The following TMEM30A variants were observed in gnomAD, a reference collection of about 807,000 sequenced individuals.
TMEM30A encodes the protein cell cycle control protein 50A.
Under a neutral mutation model 38.2 loss-of-function variants are expected in TMEM30A, and 24 were observed. That is an observed-to-expected ratio of 0.63 (90% CI 0.46 to 0.88). The LOEUF (loss-of-function observed/expected upper bound fraction) is 0.88. Ranked by LOEUF, TMEM30A falls within the 40% of genes least tolerant of loss-of-function variation. The pLI is 0.00. For missense variants in TMEM30A, 370 were observed against 458.6 expected, an observed-to-expected ratio of 0.81 and a Z score of 1.77; for synonymous variants, 145 against 161.6, an observed-to-expected ratio of 0.90 and a Z score of 0.78.
intron 2 of TMEM30A, 93 bp from the exon 3 acceptor site, chr6:75,265,431 T>C (rs527238222): frequency 4.8e-5 from 31 of 640,478 alleles, no homozygotes; most frequent in Non-Finnish European, 2.4e-5. Context: ...ATTTGGACTT[T>C]TATTAGTTTA....
chr6:75,267,680 G>C lies in TMEM30A; in HGVS notation c.306C>G (p.Cys102Trp), dbSNP rs1386834284. The stretch of plus-strand genomic sequence containing the variant: ...CCAGTGTGAAGTTAATGGTACAAAA[G>C]CAAGGTGTCACATCCGGAGATAAAC... ...NKCLSPDVTP[C>W]FCTINFTLEK... Residue 102 changes from cysteine to tryptophan, a missense_variant, in exon 2 of 7, where the codon TGC (cysteine) becomes TGG (tryptophan). Cys to Trp is a radical substitution (Grantham distance 215). Transcript: ENST00000230461. The C allele has an allele frequency of 1.2e-6, 2 of 1,611,658 alleles. No individual in the cohort carries two copies. Among genetic ancestry groups the C allele is most frequent in the Non-Finnish European group, 1.7e-6 (2 of 1,178,968 alleles).
rs547914957 is a variant in TMEM30A, at chr6:75,253,825, C to G, written c.*2277G>C. 2 of 152,502 alleles carry G rather than the reference C, an allele frequency of 1.3e-5. No homozygotes were observed. Among genetic ancestry groups the G allele is most frequent in the African/African-American group, 4.8e-5 (2 of 41,530 alleles). 9.4% of individuals were successfully genotyped at this position (152,502 alleles called of 1,614,324 possible). A position where few individuals can be genotyped will look rare whatever the true frequency, so the allele number is the denominator to read the frequency against. ...TTATGATTTCAATGAAATTTCTTAG[C>G]TTTTACTTGTTGAATAATTTTTTCA... On this transcript the variant is annotated 3_prime_UTR_variant, in exon 7 of 7. Transcript: ENST00000230461.
rs1189156050 is a variant in TMEM30A at position 75,259,515 on chromosome 6, T to C, written c.542-25A>G. 33 of 1,564,608 alleles carry C rather than the reference T, an allele frequency of 2.1e-5. No homozygotes were observed. The East Asian group carries it at 7.4e-4, about 35-fold the overall frequency. On this transcript the variant is annotated intron_variant, in intron 4 of 6. Coordinates refer to ENST00000230461, the MANE Select transcript of TMEM30A (RefSeq NM_018247.4). ...TCTAAACACAAGCAAAGAAAGACAT[T>C]ACTAACTATCTCTTGAAAACTCATA...
At chr6:75,256,581 G>A (rs1242552568) in intron 6 of TMEM30A, among the ~76,000 whole-genome samples, 1 of 151,842 alleles carries the variant, frequency 6.6e-6, no homozygotes, top group Non-Finnish European at 1.5e-5. Flanking sequence ...TACATGGAAG[G>A]GGCAAAAGGC....
chr6:75,263,280 T>C (rs892711539), intron 3 of TMEM30A, among the ~76,000 whole-genome samples: 4 of 152,156 alleles, frequency 2.6e-5, no homozygotes, highest in Non-Finnish European at 5.9e-5. Context: ...GAGGATGATA[T>C]GTGATGAGAT....
chr6:75,259,663 A>G (rs1408341874), intron 4 of TMEM30A, among the ~76,000 whole-genome samples, 173 bp from the exon 5 acceptor site: 4 of 152,254 alleles, frequency 2.6e-5, no homozygotes, highest in African/African-American at 9.6e-5. Context: ...TGGTAACTTT[A>G]TAATTCTAGA....
intron 2 of TMEM30A, among the ~76,000 whole-genome samples, chr6:75,265,854 G>A (rs1772060690): frequency 6.6e-6 from 1 of 151,948 alleles, no homozygotes; most frequent in Non-Finnish European, 1.5e-5. Context: ...GTAGCACCAC[G>A]TGCAGTTGAA....
At chr6:75,263,298 T>A (rs1772004724) in intron 3 of TMEM30A, among the ~76,000 whole-genome samples, 1 of 152,156 alleles carries the variant, frequency 6.6e-6, no homozygotes, top group Non-Finnish European at 1.5e-5. Flanking sequence ...GATAAGAGGA[T>A]TACGCATAGC....
chr6:75,258,838 C>T lies in TMEM30A; in HGVS notation c.834G>A (p.Arg278=). Residue 278 remains arginine, a synonymous_variant, in exon 6 of 7, where the codon AGG becomes AGA. Transcript: ENST00000230461. The part of the protein sequence containing the change: ...TFRKLYRLIE[R]KSDLHPTLPA... ...GTAATGTTGGATGTAAATCACTTTT[C>T]CTTTCTATAAGACGATACAACTTGC... is the stretch of plus-strand genomic sequence containing the variant. The T allele has an allele frequency of 6.2e-7, 1 of 1,613,956 alleles. No homozygotes were observed. Among genetic ancestry groups the T allele is most frequent in the Non-Finnish European group, 8.5e-7 (1 of 1,179,914 alleles).
Position 75,284,720 on chromosome 6 carries a change from GCGCCGCTGCCGCCGCCGC to G in TMEM30A, c.-100_-83del, listed in dbSNP as rs1772436977. 1.4e-6 allele frequency: 2 copies of G among 1,453,832 alleles called. No individual in the cohort carries two copies. Among genetic ancestry groups the G allele is most frequent in the Admixed American group, 3.4e-5 (2 of 58,696 alleles). The allele number at this position is 1,453,832 out of a possible 1,614,324, so 90.1% of individuals were successfully genotyped here. A position where few individuals can be genotyped will look rare whatever the true frequency, so the allele number is the denominator to read the frequency against. On this transcript the variant is annotated 5_prime_UTR_variant, in exon 1 of 7. Coordinates refer to ENST00000230461, the MANE Select transcript of TMEM30A (RefSeq NM_018247.4). ...GCTGACCCTGACAGGAACCGCTCGAGCGCCGCTGCCGCCGCCGCCGCCGCAGCCACCAGCGCCACCGCC... is the reference window on the plus strand; with the variant it reads ...GCTGACCCTGACAGGAACCGCTCGAGCGCCGCAGCCACCAGCGCCACCGCC...
At chr6:75,270,396 G>A (rs533743668) in intron 1 of TMEM30A, among the ~76,000 whole-genome samples, 1 of 152,288 alleles carries the variant, frequency 6.6e-6, no homozygotes, top group South Asian at 2.1e-4. Flanking sequence ...CTATCCCCCA[G>A]TATGATGGTA....
At chr6:75,267,789 G>C (rs1240087263) in intron 1 of TMEM30A, 41 bp from the exon 2 acceptor site, 3 of 1,400,352 alleles carry the variant, frequency 2.1e-6, no homozygotes, top group Non-Finnish European at 2.0e-6. Flanking sequence ...CTTAGAGAAA[G>C]TGGATACCTA....
At chr6:75,281,725 C>G (rs1221361827) in intron 1 of TMEM30A, among the ~76,000 whole-genome samples, 1 of 152,074 alleles carries the variant, frequency 6.6e-6, no homozygotes, top group Non-Finnish European at 1.5e-5. Context: ...TGACAAGCCT[C>G]CTTTGCCCTA....
At chr6:75,261,566 G>A (rs1215471840) in intron 3 of TMEM30A, among the ~76,000 whole-genome samples, 3 of 152,190 alleles carry the variant, frequency 2.0e-5, no homozygotes, top group African/African-American at 7.2e-5. Flanking sequence ...ATCTTAAAGA[G>A]GTGTGGCAGT....
In TMEM30A at chr6:75,259,494, A is replaced by T; in HGVS notation, c.542-4T>A. On this transcript the variant is annotated splice_polypyrimidine_tract_variant and splice_region_variant and intron_variant, in intron 4 of 6. Coordinates refer to ENST00000230461, the MANE Select transcript of TMEM30A (RefSeq NM_018247.4). ...ATGAGAAACAATTCTAATGTATCTA[A>T]ACACAAGCAAAGAAAGACATTACTA... 6.3e-7 allele frequency: 1 copy of T among 1,590,784 alleles called. No individual in the cohort carries two copies. The highest frequency in any genetic ancestry group is 8.5e-7 in the Non-Finnish European group (1 of 1,170,794).
In TMEM30A at chr6:75,258,775, G is replaced by A. The variant is rs1771912118; in HGVS notation, c.892+5C>T. The A allele has an allele frequency of 6.2e-7, 1 of 1,613,308 alleles. No individual in the cohort carries two copies. Among genetic ancestry groups the A allele is most frequent in the Non-Finnish European group, 8.5e-7 (1 of 1,179,488 alleles). ...GAATCTGTATACCCAGCCAAAAAAGGATACTGTATGTGACATTCAAAGAGT... is the reference window on the plus strand; with the variant it reads ...GAATCTGTATACCCAGCCAAAAAAGAATACTGTATGTGACATTCAAAGAGT... On this transcript the variant is annotated splice_donor_5th_base_variant and intron_variant, in intron 6 of 6. Coordinates refer to ENST00000230461, the MANE Select transcript of TMEM30A (RefSeq NM_018247.4).
At chr6:75,272,300 C>G (rs556191889) in intron 1 of TMEM30A, among the ~76,000 whole-genome samples, 1 of 152,246 alleles carries the variant, frequency 6.6e-6, no homozygotes, top group Non-Finnish European at 1.5e-5. Context: ...TTAGTTCTTA[C>G]ACTTTAGCCC....
chr6:75,266,394 A>C (rs181203392), intron 2 of TMEM30A, among the ~76,000 whole-genome samples: 1 of 152,342 alleles, frequency 6.6e-6, no homozygotes, highest in Admixed American at 6.5e-5. Context: ...ACAGAAATTG[A>C]GAAAATGAAT....
intron 1 of TMEM30A, among the ~76,000 whole-genome samples, chr6:75,283,858 T>C (rs890907373): frequency 6.6e-6 from 1 of 152,242 alleles, no homozygotes; most frequent in Non-Finnish European, 1.5e-5. Flanking sequence ...TGTGACCTGA[T>C]AACATGCGAC....
Sources: gnomAD v4.1 joint callset for allele counts (sites outside exome capture counted in the v4.1 genomes callset) on GRCh38, gnomAD v4.1.1 for gene constraint, MANE v1.5 for transcripts, NCBI Gene and HGNC (gene_info 2026-07-23, HGNC 2026-07-21) for gene names.